HTATIP2: variants seen among roughly 807,000 people sequenced by gnomAD.
The protein encoded by HTATIP2 is protein HTATIP2.
HTATIP2 carries 26 observed loss-of-function variants against 24.7 expected under a neutral mutation model. That is an observed-to-expected ratio of 1.05 (90% CI 0.77 to 1.46). The LOEUF (loss-of-function observed/expected upper bound fraction) is 1.46. Among genes scored for constraint, HTATIP2 ranks in the 40% most tolerant of loss-of-function variants. The probability of loss-of-function intolerance (pLI) is 0.00; values close to 1 mark genes in which losing one functional copy is unlikely to be tolerated. For missense variants in HTATIP2, 284 were observed against 289.6 expected, an observed-to-expected ratio of 0.98 and a Z score of 0.14; for synonymous variants, 99 against 113.2, an observed-to-expected ratio of 0.87 and a Z score of 0.79.
intron 2 of HTATIP2, chr11:20,376,054 C>A: frequency 6.5e-6 from 1 of 152,962 alleles, no homozygotes; most frequent in Non-Finnish European, 1.5e-5. Flanking sequence ...GACTAGAGAC[C>A]CATTAATAAA....
chr11:20,376,723 T>G lies in HTATIP2; in HGVS notation c.441+6T>G, dbSNP rs776070998. The G allele has an allele frequency of 5.6e-6, 9 of 1,597,970 alleles. No individual in the cohort carries two copies. In the Admixed American group the frequency reaches 7.3e-5, roughly 13 times the overall value. On this transcript the variant is annotated splice_donor_region_variant and intron_variant, in intron 3 of 4. Coordinates refer to ENST00000451739, the MANE Select transcript of HTATIP2 (RefSeq NM_001098522.2). ...TTTTATATCTACAAGTTAAGGTTTG[T>G]GCAAGTTTCTGTTTTTCATACACTT...
At position 20,363,841 on chromosome 11, in the gene HTATIP2, G is replaced by GGCGGCA. The variant is rs2064660736; in HGVS notation, c.-392_-391insAGCGGC. ...CCGGGCCTGCGGCGCTGAGCGCGGCGGCGGCGGCTGCTCTGGCGGCCGCCC... is the reference window on the plus strand; with the variant it reads ...CCGGGCCTGCGGCGCTGAGCGCGGCGGCGGCAGCGGCGGCTGCTCTGGCGGCCGCCC... On this transcript the variant is annotated 5_prime_UTR_variant, in exon 1 of 5. Transcript: ENST00000451739. The GGCGGCA allele has an allele frequency of 8.0e-7, 1 of 1,244,628 alleles. No individual in the cohort carries two copies. The highest frequency in any genetic ancestry group is 1.6e-5 in the African/African-American group (1 of 64,220). The allele number at this position is 1,244,628 out of a possible 1,614,324, so 77.1% of individuals were successfully genotyped here. A position where few individuals can be genotyped will look rare whatever the true frequency, so the allele number is the denominator to read the frequency against.
chr11:20,367,504 G>T, intron 2 of HTATIP2: 2 of 1,439,730 alleles, frequency 1.4e-6, no homozygotes, highest in Admixed American at 3.0e-5. Context: ...TGCTGGAGAC[G>T]TCGTAAATAT....
chr11:20,380,586 G>A (rs1463043087), intron 3 of HTATIP2, among the ~76,000 whole-genome samples: 13 of 148,838 alleles, frequency 8.7e-5, no homozygotes, highest in South Asian at 2.1e-4. Flanking sequence ...GCAGGAGAAC[G>A]GCATGAACCC....
chr11:20,378,937 T>C (rs1265594167), intron 3 of HTATIP2, among the ~76,000 whole-genome samples: 1 of 152,134 alleles, frequency 6.6e-6, no homozygotes, highest in Non-Finnish European at 1.5e-5. Flanking sequence ...CTCGGGAGGC[T>C]GAGGCAGGAG....
In HTATIP2 at chr11:20,383,069, G is replaced by T; in HGVS notation, c.593G>T (p.Gly198Val). 6.2e-7 allele frequency: 1 copy of T among 1,613,754 alleles called. No individual in the cohort carries two copies. The highest frequency in any genetic ancestry group is 1.1e-5 in the South Asian group (1 of 91,060). The change falls in exon 5 of 5, where the codon GGG becomes GTG. Residue 198 changes from glycine (G) to valine (V), a missense_variant. Gly to Val is a moderately radical substitution (Grantham distance 109, BLOSUM62 -3). Transcript: ENST00000451739. ...FGSLPDSWAS[G>V]HSVPVVTVVR... The stretch of plus-strand genomic sequence containing the variant: ...TCCTTACCAGACTCTTGGGCCAGTG[G>T]GCATTCTGTGCCTGTGGTGACCGTG...
rs190283584 is a variant in HTATIP2 at position 20,372,793 on chromosome 11, T to C, written c.304-3787T>C. On this transcript the variant is annotated intron_variant, in intron 2 of 4. Transcript: ENST00000451739. ...ATTGGAGAACAATAAAGGGCATGAA[T>C]AAGATTTTCGAGATCGCTCCTTTCA... Among the ~76,000 whole-genome samples the C allele has an allele frequency of 1.7e-3, 258 of 152,308 alleles. 1 individual carries two copies. The highest frequency in any genetic ancestry group is 5.0e-3 in the African/African-American group (206 of 41,548).
At chr11:20,381,469 TTAAAA>T (rs1157843621) in intron 3 of HTATIP2, among the ~76,000 whole-genome samples, 1 of 151,742 alleles carries the variant, frequency 6.6e-6, no homozygotes, top group Non-Finnish European at 1.5e-5. Context: ...AAATAAATAA[TTAAAA>T]TTAAAAAATT....
At chr11:20,367,908 T>C (rs1377390649) in intron 2 of HTATIP2, among the ~76,000 whole-genome samples, 2 of 152,198 alleles carry the variant, frequency 1.3e-5, no homozygotes, top group Admixed American at 1.3e-4. Flanking sequence ...TACTACATAG[T>C]TAGAAATCAG....
intron 3 of HTATIP2, among the ~76,000 whole-genome samples, chr11:20,378,042 T>TA (rs1848469873): frequency 1.3e-5 from 2 of 152,156 alleles, no homozygotes. Flanking sequence ...CCGAACACTA[T>TA]GTTTTTTTAA....
At chr11:20,369,738 G>A (rs968318489) in intron 2 of HTATIP2, among the ~76,000 whole-genome samples, 1 of 152,138 alleles carries the variant, frequency 6.6e-6, no homozygotes, top group African/African-American at 2.4e-5. Flanking sequence ...ACCCTATTTA[G>A]TATGATCTCA....
chr11:20,373,518 A>T (rs925369510), intron 2 of HTATIP2, among the ~76,000 whole-genome samples: 7 of 152,292 alleles, frequency 4.6e-5, no homozygotes, highest in African/African-American at 1.7e-4. Context: ...TGATTGGCTG[A>T]ATCTTTCCCT....
chr11:20,378,395 C>A (rs994231400), intron 3 of HTATIP2, among the ~76,000 whole-genome samples: 1 of 152,040 alleles, frequency 6.6e-6, no homozygotes, highest in African/African-American at 2.4e-5. Flanking sequence ...CCTCAGATTC[C>A]TGGGCTCAAA....
In HTATIP2 at chr11:20,383,068, G is replaced by A. The variant is rs1256495751; in HGVS notation, c.592G>A (p.Gly198Arg). The change falls in exon 5 of 5, where the codon GGG (glycine) becomes AGG (arginine). Residue 198 changes from glycine (G) to arginine (R), a missense_variant. Physicochemically the swap from Gly to Arg is moderately radical, Grantham distance 125. Transcript: ENST00000451739. Reference protein sequence around the residue: ...FGSLPDSWASGHSVPVVTVVR... With the variant: ...FGSLPDSWASRHSVPVVTVVR... ...CTCCTTACCAGACTCTTGGGCCAGT[G>A]GGCATTCTGTGCCTGTGGTGACCGT... 2 of 1,613,658 alleles carry A rather than the reference G, an allele frequency of 1.2e-6. No individual in the cohort carries two copies. The highest frequency in any genetic ancestry group is 3.3e-5 in the Admixed American group (2 of 59,934).
chr11:20,372,377 A>G (rs1459528104), intron 2 of HTATIP2, among the ~76,000 whole-genome samples: 1 of 152,264 alleles, frequency 6.6e-6, no homozygotes, highest in Non-Finnish European at 1.5e-5. Context: ...AAAGAAGATT[A>G]GAAGAAATAC....
chr11:20,383,416 T>G lies in HTATIP2; in HGVS notation c.*211T>G. On this transcript the variant is annotated 3_prime_UTR_variant, in exon 5 of 5. Transcript: ENST00000451739. The stretch of plus-strand genomic sequence containing the variant: ...TCAGGGAGCTTTGGAAAAATAAAGA[T>G]TTGTCAGCCCTATCTCAAACTTGAA... 1 of 521,558 alleles carries G rather than the reference T, an allele frequency of 1.9e-6. No homozygotes were observed. Among genetic ancestry groups the G allele is most frequent in the East Asian group, 3.2e-5 (1 of 31,522 alleles). 32.3% of individuals were successfully genotyped at this position (521,558 alleles called of 1,614,324 possible).
At chr11:20,371,447 C>T (rs986309221) in intron 2 of HTATIP2, among the ~76,000 whole-genome samples, 4 of 152,106 alleles carry the variant, frequency 2.6e-5, no homozygotes, top group African/African-American at 4.8e-5. Flanking sequence ...CTCATTCCAT[C>T]GCCCAGGCTG....
intron 4 of HTATIP2, among the ~76,000 whole-genome samples, chr11:20,382,446 C>T (rs1308774822): frequency 6.6e-6 from 1 of 152,218 alleles, no homozygotes; most frequent in Non-Finnish European, 1.5e-5. Context: ...TCTGGAACTT[C>T]CTGGACAGCA....
intron 1 of HTATIP2, among the ~76,000 whole-genome samples, chr11:20,365,970 CAAAA>C (rs1161230646): frequency 2.4e-4 from 23 of 96,758 alleles, no homozygotes; most frequent in African/African-American, 6.6e-4. Context: ...GACTCTGTCT[CAAAA>C]AAAAAAAAAA....
Sources: gnomAD v4.1 joint callset for allele counts (sites outside exome capture counted in the v4.1 genomes callset) on GRCh38, gnomAD v4.1.1 for gene constraint, MANE v1.5 for transcripts, NCBI Gene and HGNC (gene_info 2026-07-23, HGNC 2026-07-21) for gene names.